Variants in WDR7 observed in about 807,000 individuals in gnomAD.
WDR7 encodes WD repeat domain 7, also known as WD repeat-containing protein 7.
Under a neutral mutation model 169.4 loss-of-function variants are expected in WDR7, and 46 were observed. That is an observed-to-expected ratio of 0.27 (90% CI 0.21 to 0.35). The LOEUF is 0.35. WDR7 is among the 10% of genes least tolerant of loss of function. WDR7 has a pLI of 1.00. For missense variants in WDR7, 1,534 were observed against 1,859.3 expected, an observed-to-expected ratio of 0.83 and a Z score of 3.22; for synonymous variants, 612 against 666.8, an observed-to-expected ratio of 0.92 and a Z score of 1.27.
At chr18:56,976,562 C>G (rs1335384877) in intron 26 of WDR7, among the ~76,000 whole-genome samples, 1 of 152,172 alleles carries the variant, frequency 6.6e-6, no homozygotes, top group Non-Finnish European at 1.5e-5. Flanking sequence ...AAACCCGAGT[C>G]TATCAGGAGA....
chr18:57,010,741 G>T lies in WDR7; in HGVS notation c.4165-10004G>T, dbSNP rs571600061. 4.6e-5 allele frequency among the ~76,000 whole-genome samples: 7 copies of T among 152,252 alleles called. No homozygotes were observed. The East Asian group carries it at 1.4e-3, about 29-fold the overall frequency. ...AAATATTGGGCCTAATAAATCAGAA[G>T]AACAGGGAAGAGCAAGGCTAGTTCC... On this transcript the variant is annotated intron_variant, in intron 26 of 27. Coordinates refer to ENST00000254442, the MANE Select transcript of WDR7 (RefSeq NM_015285.3).
At chr18:56,974,879 A>G (rs1056471289) in intron 26 of WDR7, among the ~76,000 whole-genome samples, 1 of 152,188 alleles carries the variant, frequency 6.6e-6, no homozygotes, top group Non-Finnish European at 1.5e-5. Flanking sequence ...GTAGAATGTG[A>G]CAGTCTGCAG....
At chr18:56,744,367 C>T (rs544662682) in intron 14 of WDR7, among the ~76,000 whole-genome samples, 1 of 151,802 alleles carries the variant, frequency 6.6e-6, no homozygotes, top group South Asian at 2.1e-4. Context: ...CCATTTCTCC[C>T]AGAAGTTGGA....
intron 20 of WDR7, among the ~76,000 whole-genome samples, chr18:56,823,273 A>C (rs1240315504): frequency 6.6e-6 from 1 of 152,152 alleles, no homozygotes; most frequent in African/African-American, 2.4e-5. Context: ...AGATACCTAA[A>C]TACCAAGTGC....
intron 22 of WDR7, among the ~76,000 whole-genome samples, chr18:56,926,078 A>C (rs546670402): frequency 1.3e-5 from 2 of 152,214 alleles, no homozygotes; most frequent in African/African-American, 4.8e-5. Flanking sequence ...TATTCAGCAG[A>C]TCAAGAGCTG....
chr18:56,658,184 A>G (rs554431650), intron 1 of WDR7, among the ~76,000 whole-genome samples: 1 of 151,974 alleles, frequency 6.6e-6, no homozygotes, highest in South Asian at 2.1e-4. Flanking sequence ...GCTCACTGCA[A>G]CCTCTGCCTC....
At chr18:56,987,897 T>A in intron 26 of WDR7, among the ~76,000 whole-genome samples, 1 of 152,246 alleles carries the variant, frequency 6.6e-6, no homozygotes, top group East Asian at 1.9e-4. Flanking sequence ...TTAAATTTCA[T>A]GTTATCATTA....
intron 16 of WDR7, among the ~76,000 whole-genome samples, chr18:56,759,261 G>A (rs1421459148): frequency 1.3e-5 from 2 of 152,078 alleles, no homozygotes; most frequent in East Asian, 1.9e-4. Context: ...GAGTTTAAAA[G>A]TTATACCTAT....
At chr18:56,692,962 A>G (rs530232388) in intron 9 of WDR7, among the ~76,000 whole-genome samples, 7 of 152,070 alleles carry the variant, frequency 4.6e-5, no homozygotes, top group African/African-American at 1.7e-4. Flanking sequence ...GCTACTTGGG[A>G]GGCTGAAGTG....
intron 21 of WDR7, among the ~76,000 whole-genome samples, chr18:56,915,266 A>C (rs1028274190): frequency 6.6e-6 from 1 of 152,316 alleles, no homozygotes; most frequent in Non-Finnish European, 1.5e-5. Flanking sequence ...AAAGCAAAGA[A>C]ATAGAATTCT....
chr18:56,938,998 T>A (rs2046998476), intron 24 of WDR7, among the ~76,000 whole-genome samples: 1 of 152,176 alleles, frequency 6.6e-6, no homozygotes, highest in Admixed American at 6.5e-5. Context: ...TATGTTCCCT[T>A]TGACATCTTT....
At chr18:56,981,798 G>A (rs755240329) in intron 26 of WDR7, among the ~76,000 whole-genome samples, 1 of 152,140 alleles carries the variant, frequency 6.6e-6, no homozygotes, top group Non-Finnish European at 1.5e-5. Context: ...AAGTAGGAAG[G>A]CAGGCCAGTT....
At chr18:56,825,671 AAC>A (rs1195522788) in intron 20 of WDR7, among the ~76,000 whole-genome samples, 8 of 152,232 alleles carry the variant, frequency 5.3e-5, no homozygotes, top group Non-Finnish European at 2.9e-5. Context: ...AGAAAAAAGA[AAC>A]ACATATATTA....
At chr18:56,971,233 C>T (rs1262475003) in intron 26 of WDR7, among the ~76,000 whole-genome samples, 1 of 150,458 alleles carries the variant, frequency 6.6e-6, no homozygotes, top group East Asian at 2.0e-4. Flanking sequence ...GAGCCGAGAT[C>T]GCACCACTGC....
intron 19 of WDR7, among the ~76,000 whole-genome samples, chr18:56,791,023 C>A (rs1323995370): frequency 6.6e-6 from 1 of 152,066 alleles, no homozygotes; most frequent in Non-Finnish European, 1.5e-5. Context: ...GTAAAACTTA[C>A]CTATCACTTG....
At chr18:56,679,568 C>A in intron 3 of WDR7, 130 bp downstream of exon 3, 1 of 526,930 alleles carries the variant, frequency 1.9e-6, no homozygotes, top group Non-Finnish European at 3.2e-6. Flanking sequence ...TTGTCTAAAT[C>A]TAAATGTAGA....
intron 26 of WDR7, among the ~76,000 whole-genome samples, chr18:56,965,712 A>C (rs961647889): frequency 2.6e-5 from 4 of 152,118 alleles, no homozygotes; most frequent in Non-Finnish European, 4.4e-5. Context: ...ACAAGCCTAA[A>C]ATATTATCTG....
chr18:56,723,814 A>G (rs375624899), intron 13 of WDR7, among the ~76,000 whole-genome samples: 1 of 152,034 alleles, frequency 6.6e-6, no homozygotes, highest in Non-Finnish European at 1.5e-5. Context: ...GGAGACTCCA[A>G]TTATATGTCT....
intron 14 of WDR7, among the ~76,000 whole-genome samples, 164 bp downstream of exon 14, chr18:56,731,761 T>G (rs944083732): frequency 7.9e-5 from 12 of 152,236 alleles, no homozygotes; most frequent in African/African-American, 2.7e-4. Context: ...GTTTTTCAAG[T>G]ACTTGGCATT....
Sources: gnomAD v4.1 joint callset for allele counts (sites outside exome capture counted in the v4.1 genomes callset) on GRCh38, gnomAD v4.1.1 for gene constraint, MANE v1.5 for transcripts, NCBI Gene and HGNC (gene_info 2026-07-23, HGNC 2026-07-21) for gene names.